The following FBXO11 variants were observed in gnomAD, a reference collection of about 807,000 sequenced individuals.
FBXO11 encodes F-box protein 11.
Under a neutral mutation model 117.0 loss-of-function variants are expected in FBXO11, and 13 were observed. That is an observed-to-expected ratio of 0.11 (90% CI 0.07 to 0.18). FBXO11 has a LOEUF of 0.18. Among genes scored for constraint, FBXO11 ranks in the 10% least tolerant of loss-of-function variants. The pLI, the probability that FBXO11 is intolerant of heterozygous loss-of-function variation, is 1.00. For missense variants in FBXO11, 767 were observed against 1,164.4 expected (o/e 0.66, Z 4.97); for synonymous variants, 490 against 380.5 (o/e 1.29, Z -3.35).
At chr2:47,845,232 C>A (rs1673316203) in intron 1 of FBXO11, among the ~76,000 whole-genome samples, 1 of 136,912 alleles carries the variant, frequency 7.3e-6, no homozygotes, top group Non-Finnish European at 1.5e-5. Flanking sequence ...GAGGTCCTAA[C>A]AGGAAAGAGA....
chr2:47,890,415 A>T (rs1677171557), intron 1 of FBXO11, among the ~76,000 whole-genome samples: 1 of 152,214 alleles, frequency 6.6e-6, no homozygotes, highest in African/African-American at 2.4e-5. Flanking sequence ...CAACATTAAA[A>T]ATATGTAACA....
At chr2:47,808,497 A>G (rs1357490202) in intron 21 of FBXO11, 70 bp from the exon 22 acceptor site, 3 of 1,122,682 alleles carry the variant, frequency 2.7e-6, no homozygotes, top group East Asian at 4.6e-5. Context: ...TTCTGTTTAT[A>G]TATTACTATG....
chr2:47,881,285 G>C (rs1288476369), intron 1 of FBXO11, among the ~76,000 whole-genome samples: 1 of 152,060 alleles, frequency 6.6e-6, no homozygotes, highest in Non-Finnish European at 1.5e-5. Flanking sequence ...GGTATGTCTG[G>C]TCTTAGGGCT....
chr2:47,839,258 A>G (rs566960890), intron 3 of FBXO11, among the ~76,000 whole-genome samples, 161 bp downstream of exon 3: 8 of 152,316 alleles, frequency 5.3e-5, no homozygotes, highest in African/African-American at 1.9e-4. Flanking sequence ...TACAACAATA[A>G]AAGTCAGAGG....
intron 1 of FBXO11, among the ~76,000 whole-genome samples, chr2:47,864,230 C>T (rs922472753): frequency 3.9e-5 from 6 of 152,168 alleles, no homozygotes; most frequent in African/African-American, 1.2e-4. Context: ...TAAGTACTCA[C>T]GGTATTTCAT....
At chr2:47,816,236 G>C (rs930064781) in intron 16 of FBXO11, among the ~76,000 whole-genome samples, 3 of 152,180 alleles carry the variant, frequency 2.0e-5, no homozygotes, top group Admixed American at 6.5e-5. Context: ...CTGGAGCACA[G>C]TGGTATAATC....
At chr2:47,873,943 G>T (rs534485840) in intron 1 of FBXO11, among the ~76,000 whole-genome samples, 1 of 152,040 alleles carries the variant, frequency 6.6e-6, no homozygotes, top group Non-Finnish European at 1.5e-5. Flanking sequence ...AGCTGGGCCC[G>T]GTGGCTCGTC....
intron 1 of FBXO11, among the ~76,000 whole-genome samples, chr2:47,860,545 G>C (rs1674682507): frequency 6.6e-6 from 1 of 151,786 alleles, no homozygotes. Context: ...CAAGTAGCTG[G>C]GACTACAGGT....
intron 16 of FBXO11, 108 bp from the exon 17 acceptor site, chr2:47,813,975 T>G: frequency 1.2e-6 from 1 of 829,562 alleles, no homozygotes; most frequent in South Asian, 1.5e-5. Context: ...TTAGTAAGAA[T>G]TAACTATACA....
intron 1 of FBXO11, among the ~76,000 whole-genome samples, chr2:47,850,308 G>A (rs1673761394): frequency 6.6e-6 from 1 of 152,104 alleles, no homozygotes; most frequent in African/African-American, 2.4e-5. Context: ...GAGTTTTGAG[G>A]TACCTGTGAG....
At chr2:47,893,049 G>A (rs1188503898) in intron 1 of FBXO11, among the ~76,000 whole-genome samples, 3 of 152,032 alleles carry the variant, frequency 2.0e-5, no homozygotes, top group Non-Finnish European at 2.9e-5. Flanking sequence ...CAGCTAATCC[G>A]GAGGCTGAGG....
In FBXO11 at chr2:47,832,634, T is replaced by A; in HGVS notation, c.1198A>T (p.Ile400Phe). 1 of 1,613,974 alleles carries A rather than the reference T, an allele frequency of 6.2e-7. No individual in the cohort carries two copies. The highest frequency in any genetic ancestry group is 8.5e-7 in the Non-Finnish European group (1 of 1,179,950). The change falls in exon 10 of 23, where the codon ATC becomes TTC. Residue 400 changes from isoleucine (I) to phenylalanine (F), a missense_variant. By Grantham distance (21) the Ile-to-Phe change is conservative. Transcript: ENST00000403359. ...CAGTCACTGATGTTACAGTGCTTGATGGTGGGACATGCTCCTTGACCACTA... is the reference window on the plus strand; with the variant it reads ...CAGTCACTGATGTTACAGTGCTTGAAGGTGGGACATGCTCCTTGACCACTA... ...CVSGQGACPT[I>F]KHCNISDCEN...
chr2:47,861,325 T>A (rs1674759424), intron 1 of FBXO11, among the ~76,000 whole-genome samples: 1 of 151,320 alleles, frequency 6.6e-6, no homozygotes. Flanking sequence ...GACCTTTTTT[T>A]TTTTTTTTTT....
intron 1 of FBXO11, among the ~76,000 whole-genome samples, chr2:47,894,564 A>G (rs1677511141): frequency 6.6e-6 from 1 of 152,184 alleles, no homozygotes; most frequent in Non-Finnish European, 1.5e-5. Context: ...ATTCTTAAAT[A>G]CAAAAAAGAT....
At chr2:47,848,201 C>A (rs1673571829) in intron 1 of FBXO11, among the ~76,000 whole-genome samples, 1 of 152,214 alleles carries the variant, frequency 6.6e-6, no homozygotes, top group Non-Finnish European at 1.5e-5. Context: ...TTTATCAGTT[C>A]TCTTAAAGCA....
chr2:47,903,621 A>C (rs553244842), intron 1 of FBXO11, among the ~76,000 whole-genome samples: 1 of 152,366 alleles, frequency 6.6e-6, no homozygotes, highest in African/African-American at 2.4e-5. Context: ...AATTCAGAGT[A>C]AACATTTTAA....
At chr2:47,845,477 G>T (rs2104910553) in intron 1 of FBXO11, among the ~76,000 whole-genome samples, 1 of 152,246 alleles carries the variant, frequency 6.6e-6, no homozygotes. Flanking sequence ...CAAGTACAGT[G>T]CCAGAAGTTA....
chr2:47,847,105 TGTG>T (rs1436274691), intron 1 of FBXO11, among the ~76,000 whole-genome samples: 3 of 151,914 alleles, frequency 2.0e-5, no homozygotes, highest in Non-Finnish European at 4.4e-5. Flanking sequence ...ATCAGCCAGG[TGTG>T]GTGGTGGACA....
intron 16 of FBXO11, among the ~76,000 whole-genome samples, chr2:47,815,094 C>A (rs1226233652): frequency 6.6e-6 from 1 of 152,208 alleles, no homozygotes; most frequent in Non-Finnish European, 1.5e-5. Flanking sequence ...AAGTCTTATA[C>A]CCCTAAAGTC....
Sources: allele counts gnomAD v4.1 joint callset (sites outside exome capture counted in the v4.1 genomes callset), GRCh38; gene constraint gnomAD v4.1.1; transcripts MANE v1.5; gene names NCBI Gene and HGNC (gene_info 2026-07-23, HGNC 2026-07-21).